Variants in PRICKLE2 observed in about 807,000 individuals in gnomAD.
PRICKLE2 encodes the protein prickle planar cell polarity protein 2.
In PRICKLE2, 21 loss-of-function variants were observed where a neutral mutation model predicts 81.4. The ratio of observed to expected loss-of-function variants is 0.26; its 90% CI spans 0.18 to 0.37. PRICKLE2 has a LOEUF of 0.37. Ranked by LOEUF, PRICKLE2 falls within the 10% of genes least tolerant of loss-of-function variation. The probability of loss-of-function intolerance (pLI) is 1.00; values close to 1 mark genes in which losing one functional copy is unlikely to be tolerated. For missense variants in PRICKLE2, 940 were observed against 1,109.0 expected (o/e 0.85, Z 2.16); for synonymous variants, 456 against 421.5 (o/e 1.08, Z -1.00).
At chr3:64,162,921 T>A in intron 3 of PRICKLE2, 95 bp downstream of exon 3, 2 of 862,832 alleles carry the variant, frequency 2.3e-6, no homozygotes, top group Non-Finnish European at 4.1e-6. Context: ...CCAGAGTTCT[T>A]CTTCGGCTAC....
chr3:64,119,335 A>G (rs914803364), intron 7 of PRICKLE2, among the ~76,000 whole-genome samples: 1 of 152,220 alleles, frequency 6.6e-6, no homozygotes, highest in Non-Finnish European at 1.5e-5. Flanking sequence ...GTTTACCTAC[A>G]TAACAAATGT....
At chr3:64,230,787 G>A (rs1001595049) in intron 2 of PRICKLE2, among the ~76,000 whole-genome samples, 4 of 152,134 alleles carry the variant, frequency 2.6e-5, no homozygotes, top group Admixed American at 6.5e-5. Context: ...CAAAGGCTTC[G>A]GTAAGATTAG....
intron 7 of PRICKLE2, among the ~76,000 whole-genome samples, chr3:64,135,385 G>T (rs2077261956): frequency 6.6e-6 from 1 of 152,174 alleles, no homozygotes; most frequent in Non-Finnish European, 1.5e-5. Flanking sequence ...GTAACAAAGA[G>T]TTGAGAAAGG....
rs559392087 is a variant in PRICKLE2, at chr3:64,233,067, G to T, written c.129-34100C>A. Among the ~76,000 whole-genome samples, 4 of 152,302 alleles carry T rather than the reference G, an allele frequency of 2.6e-5. No individual in the cohort carries two copies. The East Asian group carries it at 7.7e-4, about 29-fold the overall frequency. ...TAACAGAGAACGTACAGCCTGCAAAGCCTAATACATTTACACTCTGGTCCT... is the reference window on the plus strand; with the variant it reads ...TAACAGAGAACGTACAGCCTGCAAATCCTAATACATTTACACTCTGGTCCT... On this transcript the variant is annotated intron_variant, in intron 2 of 8. Coordinates refer to the PRICKLE2 transcript ENST00000295902.
intron 2 of PRICKLE2, among the ~76,000 whole-genome samples, chr3:64,193,185 A>G (rs2078378355): frequency 6.6e-6 from 1 of 152,210 alleles, no homozygotes; most frequent in African/African-American, 2.4e-5. Context: ...AATATAGAGG[A>G]AAGCTGCCAA....
At chr3:64,244,817 G>C (rs760781110) in intron 2 of PRICKLE2, among the ~76,000 whole-genome samples, 1 of 152,146 alleles carries the variant, frequency 6.6e-6, no homozygotes. Context: ...AAAAAGAGCA[G>C]TATCATTACA....
chr3:64,258,684 T>C (rs1368844951), intron 2 of PRICKLE2, among the ~76,000 whole-genome samples: 7 of 146,412 alleles, frequency 4.8e-5, no homozygotes, highest in Non-Finnish European at 1.5e-5. Context: ...AATAGCCAGG[T>C]GTGGTGGCGG....
At chr3:64,228,619 A>C (rs2079061043), upstream of PRICKLE2, among the ~76,000 whole-genome samples, 1 of 152,174 alleles carries the variant, frequency 6.6e-6, no homozygotes, top group Admixed American at 6.5e-5. Flanking sequence ...CTTAGTAAAT[A>C]GGAACAAAAC....
intron 3 of PRICKLE2, among the ~76,000 whole-genome samples, chr3:64,161,310 T>C (rs1462749661): frequency 6.6e-6 from 1 of 152,204 alleles, no homozygotes; most frequent in Non-Finnish European, 1.5e-5. Context: ...AACACGGTCC[T>C]AATCCCGTCT....
At chr3:64,205,101 TAA>T (rs3056514) in intron 1 of PRICKLE2, among the ~76,000 whole-genome samples, 9 of 142,790 alleles carry the variant, frequency 6.3e-5, no homozygotes, top group African/African-American at 1.5e-4. Flanking sequence ...AGGATTTCGT[TAA>T]AAAAAAAAAA....
chr3:64,120,331 C>G (rs954129765), intron 7 of PRICKLE2, among the ~76,000 whole-genome samples: 1 of 152,182 alleles, frequency 6.6e-6, no homozygotes, highest in African/African-American at 2.4e-5. Flanking sequence ...ATTTATAGAG[C>G]TCTTTATACT....
chr3:64,171,538 C>G (rs991941134), intron 2 of PRICKLE2, among the ~76,000 whole-genome samples: 1 of 152,164 alleles, frequency 6.6e-6, no homozygotes, highest in Non-Finnish European at 1.5e-5. Context: ...CTTTCTCTTC[C>G]CTCTAGAATG....
intron 2 of PRICKLE2, among the ~76,000 whole-genome samples, chr3:64,236,889 C>A (rs771986522): frequency 1.3e-5 from 2 of 152,198 alleles, no homozygotes; most frequent in Non-Finnish European, 2.9e-5. Context: ...GTGTAAGGTA[C>A]TATTATTATC....
chr3:64,227,825 T>C (rs696237), upstream of PRICKLE2, among the ~76,000 whole-genome samples: 1 of 152,150 alleles, frequency 6.6e-6, no homozygotes, highest in Admixed American at 6.5e-5. Context: ...GAAACAATCA[T>C]GCTTCCACCA....
At chr3:64,154,157 G>A (rs940388597) in intron 5 of PRICKLE2, 4 of 152,224 alleles carry the variant, frequency 2.6e-5, no homozygotes, top group Non-Finnish European at 5.9e-5. Flanking sequence ...ATGGGGAAAA[G>A]AATAGTTTTC....
chr3:64,223,852 G>T (rs1309969566), intron 1 of PRICKLE2, among the ~76,000 whole-genome samples: 1 of 152,186 alleles, frequency 6.6e-6, no homozygotes, highest in African/African-American at 2.4e-5. Flanking sequence ...TTGGCCTCTA[G>T]CAAAGAGGCA....
At chr3:64,181,903 T>C (rs917439720) in intron 2 of PRICKLE2, among the ~76,000 whole-genome samples, 3 of 152,160 alleles carry the variant, frequency 2.0e-5, no homozygotes, top group African/African-American at 7.2e-5. Context: ...AAATCTTTCA[T>C]GGGTAATCTA....
At chr3:64,141,497 T>C (rs1432581) in intron 7 of PRICKLE2, among the ~76,000 whole-genome samples, 4 of 152,248 alleles carry the variant, frequency 2.6e-5, no homozygotes, top group Non-Finnish European at 5.9e-5. Flanking sequence ...CTACTTCTAA[T>C]GCTATGATTA....
intron 1 of PRICKLE2, among the ~76,000 whole-genome samples, chr3:64,204,066 C>G (rs969410872): frequency 6.6e-6 from 1 of 152,140 alleles, no homozygotes; most frequent in South Asian, 2.1e-4. Context: ...GCACTTACCA[C>G]GTACCAAGGC....
Sources: allele counts gnomAD v4.1 joint callset (sites outside exome capture counted in the v4.1 genomes callset), GRCh38; gene constraint gnomAD v4.1.1; transcripts MANE v1.5; gene names NCBI Gene and HGNC (gene_info 2026-07-23, HGNC 2026-07-21).